The following FHIT variants were observed in gnomAD, a reference collection of about 807,000 sequenced individuals.
FHIT encodes bis(5'-adenosyl)-triphosphatase.
FHIT carries 19 observed loss-of-function variants against 17.9 expected under a neutral mutation model. The observed-to-expected ratio is 1.06, with a 90% CI of 0.74 to 1.56. The LOEUF is 1.56. FHIT is among the 40% of genes most tolerant of loss of function. The pLI is 0.00. For missense variants in FHIT, 248 were observed against 189.2 expected (o/e 1.31, Z -1.82); for synonymous variants, 81 against 69.7 (o/e 1.16, Z -0.81).
chr3:60,280,031 CA>C (rs34574670), intron 5 of FHIT, among the ~76,000 whole-genome samples: 53,549 of 116,844 alleles, frequency 0.46, 10,710 homozygotes, highest in Non-Finnish European at 0.54. Flanking sequence ...GACTCTGTCT[CA>C]AAAAAAAAAA....
chr3:60,394,650 A>T (rs1284846626), intron 5 of FHIT, among the ~76,000 whole-genome samples: 1 of 152,104 alleles, frequency 6.6e-6, no homozygotes, highest in African/African-American at 2.4e-5. Flanking sequence ...TTCATCTCCA[A>T]TGGAGGAAAT....
intron 4 of FHIT, among the ~76,000 whole-genome samples, chr3:60,645,989 T>C (rs1262054022): frequency 6.6e-6 from 1 of 152,212 alleles, no homozygotes; most frequent in Non-Finnish European, 1.5e-5. Context: ...TCCTCACACA[T>C]GAAATTACTC....
chr3:59,847,284 T>C (rs1040379669), intron 8 of FHIT, among the ~76,000 whole-genome samples: 3 of 152,142 alleles, frequency 2.0e-5, no homozygotes, highest in Admixed American at 6.5e-5. Context: ...ACTTTTTTTT[T>C]CTCTCTGTTC....
chr3:60,861,186 G>GATATATATC lies in FHIT; in HGVS notation c.-110-39184_-110-39176dup. 2.0e-4 allele frequency among the ~76,000 whole-genome samples: 2 copies of GATATATATC among 9,874 alleles called. 1 individual carries two copies. The highest frequency in any genetic ancestry group is 6.9e-3 in the East Asian group (2 of 290). The allele number at this position is 9,874 out of a possible 152,430, so 6.5% of individuals were successfully genotyped here. ...ATATCATATGTTCTATGATATATATGATATATATCATATATGATATATATG... is the reference window on the plus strand; with the variant it reads ...ATATCATATGTTCTATGATATATATGATATATATCATATATATCATATATGATATATATG... On this transcript the variant is annotated intron_variant, in intron 3 of 9. Coordinates refer to ENST00000492590, the MANE Select transcript of FHIT (RefSeq NM_002012.4).
At chr3:59,875,978 C>T (rs1703141719) in intron 8 of FHIT, among the ~76,000 whole-genome samples, 1 of 150,900 alleles carries the variant, frequency 6.6e-6, no homozygotes, top group African/African-American at 2.4e-5. Flanking sequence ...GATTTTAGTT[C>T]AAGAATTTTA....
chr3:60,077,725 C>T (rs879521006), intron 5 of FHIT, among the ~76,000 whole-genome samples: 2,336 of 91,916 alleles, frequency 0.025, 41 homozygotes, highest in Middle Eastern at 0.038. Flanking sequence ...CACACACACA[C>T]ACACATATAT....
intron 5 of FHIT, among the ~76,000 whole-genome samples, chr3:60,185,781 G>A (rs1001982465): frequency 5.9e-5 from 9 of 151,984 alleles, no homozygotes; most frequent in South Asian, 2.1e-4. Context: ...CCCTATTAAT[G>A]GTATTGTCAG....
chr3:60,272,966 C>T (rs1706940016), intron 5 of FHIT, among the ~76,000 whole-genome samples: 1 of 152,190 alleles, frequency 6.6e-6, no homozygotes, highest in African/African-American at 2.4e-5. Context: ...AATTCTGTCT[C>T]CATTCAAATC....
intron 5 of FHIT, among the ~76,000 whole-genome samples, chr3:60,404,164 T>A (rs902905236): frequency 1.3e-4 from 20 of 152,044 alleles, no homozygotes; most frequent in African/African-American, 4.8e-4. Flanking sequence ...TTTCAAAAAA[T>A]CCCTACTTTT....
intron 4 of FHIT, among the ~76,000 whole-genome samples, chr3:60,771,360 ACT>A (rs1700035093): frequency 6.6e-6 from 1 of 152,070 alleles, no homozygotes; most frequent in Non-Finnish European, 1.5e-5. Flanking sequence ...GCATATCAAT[ACT>A]CTTTCTGAAA....
At chr3:60,206,166 A>G (rs1703173899) in intron 5 of FHIT, among the ~76,000 whole-genome samples, 1 of 138,240 alleles carries the variant, frequency 7.2e-6, no homozygotes, top group African/African-American at 2.8e-5. Context: ...AATAATAATA[A>G]TAATAATTAT....
chr3:59,840,405 A>AG (rs1553692434), intron 8 of FHIT, among the ~76,000 whole-genome samples: 1 of 151,234 alleles, frequency 6.6e-6, no homozygotes, highest in Non-Finnish European at 1.5e-5. Context: ...AAAAAAAAAA[A>AG]AAAAGAAAGA....
intron 2 of FHIT, among the ~76,000 whole-genome samples, chr3:61,075,526 T>C (rs922619740): frequency 6.6e-6 from 1 of 151,866 alleles, no homozygotes; most frequent in Non-Finnish European, 1.5e-5. Flanking sequence ...TAAAAAAAGA[T>C]AAAACCCTTT....
At chr3:59,870,943 T>C (rs1702894852) in intron 8 of FHIT, among the ~76,000 whole-genome samples, 1 of 152,046 alleles carries the variant, frequency 6.6e-6, no homozygotes, top group Non-Finnish European at 1.5e-5. Context: ...TGTAAATGAC[T>C]ACTACATAGT....
chr3:60,098,020 C>T (rs1308636791), intron 5 of FHIT, among the ~76,000 whole-genome samples: 2 of 151,926 alleles, frequency 1.3e-5, no homozygotes, highest in African/African-American at 4.8e-5. Context: ...CCAGTTTCAT[C>T]CATGTCCCTG....
In FHIT at chr3:61,225,845, C is replaced by A. The variant is rs1056782135; in HGVS notation, c.-212-25180G>T. Reference sequence around the variant, plus strand: ...TGTTAAATAAAAAGCTTCCTGTTAACTAAAACAATTCTATAAATACAATGT... The same window carrying A: ...TGTTAAATAAAAAGCTTCCTGTTAAATAAAACAATTCTATAAATACAATGT... On this transcript the variant is annotated intron_variant, in intron 1 of 9. Transcript: ENST00000492590. Among the ~76,000 whole-genome samples, 7 of 152,278 alleles carry A rather than the reference C, an allele frequency of 4.6e-5. No individual in the cohort carries two copies. The East Asian group carries it at 1.4e-3, about 29-fold the overall frequency.
chr3:60,762,820 GC>G (rs1699704995), intron 4 of FHIT, among the ~76,000 whole-genome samples: 1 of 152,130 alleles, frequency 6.6e-6, no homozygotes. Context: ...AGGGAATTTT[GC>G]CAGCAGTCTG....
chr3:60,228,982 G>C lies in FHIT; in HGVS notation c.104-214830C>G, dbSNP rs150395716. Among the ~76,000 whole-genome samples, 234 of 152,254 alleles carry C rather than the reference G, an allele frequency of 1.5e-3. 1 individual carries two copies. The highest frequency in any genetic ancestry group is 3.0e-3 in the Non-Finnish European group (201 of 68,018). On this transcript the variant is annotated intron_variant, in intron 5 of 9. Transcript: ENST00000492590. ...CCACTAAGTGGCAGAGGTGAGATTC[G>C]AGAAATGTCAGAATGGAACCTCACA...
intron 1 of FHIT, among the ~76,000 whole-genome samples, chr3:61,208,296 T>A (rs966201419): frequency 7.2e-5 from 11 of 152,026 alleles, no homozygotes; most frequent in African/African-American, 2.7e-4. Context: ...ATTCTGTTGA[T>A]ATGGGGTGGA....
Sources: gnomAD v4.1 joint callset for allele counts (sites outside exome capture counted in the v4.1 genomes callset) on GRCh38, gnomAD v4.1.1 for gene constraint, MANE v1.5 for transcripts, NCBI Gene and HGNC (gene_info 2026-07-23, HGNC 2026-07-21) for gene names.